CACNA1G: variants seen among roughly 807,000 people sequenced by gnomAD.
The protein encoded by CACNA1G is calcium voltage-gated channel subunit alpha1 G.
CACNA1G carries 67 observed loss-of-function variants against 219.4 expected under a neutral mutation model. The ratio of observed to expected loss-of-function variants is 0.31; its 90% CI spans 0.25 to 0.37. The LOEUF is 0.37. Among genes scored for constraint, CACNA1G ranks in the 10% least tolerant of loss-of-function variants. The probability of loss-of-function intolerance (pLI) is 1.00; values close to 1 mark genes in which losing one functional copy is unlikely to be tolerated. For synonymous variants in CACNA1G, 1,296 were observed against 1,345.3 expected (o/e 0.96, Z 0.80); for missense variants, 2,380 against 3,231.4 (o/e 0.74, Z 6.39).
chr17:50,608,073 G>T, intron 25 of CACNA1G, 54 bp downstream of exon 25: 2 of 1,523,078 alleles, frequency 1.3e-6, no homozygotes, highest in South Asian at 1.2e-5. Flanking sequence ...TCTGGGTCGT[G>T]CTTGACCTTG....
At chr17:50,606,156 T>A in intron 23 of CACNA1G, 133 bp downstream of exon 23, 1 of 1,269,116 alleles carries the variant, frequency 7.9e-7, no homozygotes, top group Non-Finnish European at 1.2e-6. Flanking sequence ...CCCTCTGCTG[T>A]CTAACCACCA....
chr17:50,592,125 C>A (rs1423273426), intron 13 of CACNA1G, 33 bp downstream of exon 13: 1 of 1,577,578 alleles, frequency 6.3e-7, no homozygotes. Context: ...TCACCCTGCC[C>A]ACAGCAGTCC....
At chr17:50,604,018 A>G (rs1292969091) in intron 21 of CACNA1G, 137 bp from the exon 22 acceptor site, 4 of 813,086 alleles carry the variant, frequency 4.9e-6, no homozygotes, top group Non-Finnish European at 5.4e-6. Context: ...GGGTCCCATG[A>G]AAAGAGGACT....
Position 50,615,378 on chromosome 17 carries a change from T to C in CACNA1G, c.4777T>C (p.Tyr1593His), listed in dbSNP as rs768410348. 12 of 1,609,564 alleles carry C rather than the reference T, an allele frequency of 7.5e-6. No individual in the cohort carries two copies. Among genetic ancestry groups the C allele is most frequent in the Non-Finnish European group, 1.0e-5 (12 of 1,176,942 alleles). ...CCCATCAGAAGCCCAGTGCAAACCT[T>C]ACTACTCCGACTACTCCCGCTTCCG... ...SAASEAQCKP[Y>H]YSDYSRFRLL... The change falls in exon 27 of 38, where the codon TAC (tyrosine) becomes CAC (histidine). Residue 1593 changes from tyrosine to histidine, a missense_variant. Physicochemically the swap from Tyr to His is moderately conservative, Grantham distance 83. This residue lies in a region of CACNA1G where 58 missense variants were observed against 71.3 expected (regional missense o/e 0.81). Transcript: ENST00000359106.
chr17:50,592,945 C>T (rs749062856), intron 13 of CACNA1G, among the ~76,000 whole-genome samples: 1 of 152,320 alleles, frequency 6.6e-6, no homozygotes, highest in Non-Finnish European at 1.5e-5. Flanking sequence ...ATCTATTTTC[C>T]GACTCTTTCC....
Position 50,619,058 on chromosome 17 carries a change from G to A in CACNA1G, c.5781+50G>A, listed in dbSNP as rs776768103. On this transcript the variant is annotated intron_variant, in intron 33 of 37. Transcript: ENST00000359106. ...TGAGAGGAGCTGGGGCAGGAGAAGG[G>A]TGTGGAGGGTGGTGGGCGGGAGCCA... The A allele has an allele frequency of 2.1e-5, 29 of 1,403,500 alleles. No individual in the cohort carries two copies. The South Asian group carries it at 3.1e-4, about 15-fold the overall frequency. 86.9% of individuals were successfully genotyped at this position (1,403,500 alleles called of 1,614,324 possible). A position where few individuals can be genotyped will look rare whatever the true frequency, so the allele number is the denominator to read the frequency against.
intron 4 of CACNA1G, among the ~76,000 whole-genome samples, chr17:50,570,557 C>CTGTGTGTGTGTGTCTGTG (rs2039174220): frequency 1.5e-5 from 2 of 132,690 alleles, no homozygotes; most frequent in African/African-American, 5.8e-5. Flanking sequence ...CCCCTGCGCT[C>CTGTGTGTGTGTGTCTGTG]TGTGTGTGTG....
rs1200018794 is a variant in CACNA1G at position 50,561,026 on chromosome 17, C to T, written c.-434C>T. 1 of 327,592 alleles carries T rather than the reference C, an allele frequency of 3.1e-6. No homozygotes were observed. Among genetic ancestry groups the T allele is most frequent in the Non-Finnish European group, 5.9e-6 (1 of 170,086 alleles). 20.3% of individuals were successfully genotyped at this position (327,592 alleles called of 1,614,324 possible). ...CGATGCTGACCCCTTAGATCCGGCTCCAGCTGCGCCGCGGGAAGAGGGGGC... is the reference window on the plus strand; with the variant it reads ...CGATGCTGACCCCTTAGATCCGGCTTCAGCTGCGCCGCGGGAAGAGGGGGC... On this transcript the variant is annotated 5_prime_UTR_variant, in exon 1 of 38. Coordinates refer to ENST00000359106, the MANE Select transcript of CACNA1G (RefSeq NM_018896.5).
Position 50,619,827 on chromosome 17 carries a change from G to A in CACNA1G, c.5925+1G>A, listed in dbSNP as rs56741967. The A allele has an allele frequency of 1.5e-4, 244 of 1,602,772 alleles. 1 individual carries two copies. In the Middle Eastern group the frequency reaches 2.8e-3, roughly 19 times the overall value. Reference sequence around the variant, plus strand: ...CAGCCTGGGAGGCTCCGACCCACAGGTTACTGTGCCCCTGTGCTGTGCCCT... The same window carrying A: ...CAGCCTGGGAGGCTCCGACCCACAGATTACTGTGCCCCTGTGCTGTGCCCT... On this transcript the variant is annotated splice_donor_variant, in intron 34 of 37. Coordinates refer to ENST00000359106, the MANE Select transcript of CACNA1G (RefSeq NM_018896.5). LOFTEE classifies it high-confidence loss of function.
intron 26 of CACNA1G, among the ~76,000 whole-genome samples, chr17:50,614,084 C>A (rs898424732): frequency 6.6e-6 from 1 of 152,244 alleles, no homozygotes; most frequent in African/African-American, 2.4e-5. Context: ...AGGAGCATGG[C>A]AGCCCACGAG....
intron 8 of CACNA1G, among the ~76,000 whole-genome samples, chr17:50,576,747 C>G (rs998960950): frequency 6.6e-6 from 1 of 152,204 alleles, no homozygotes; most frequent in Non-Finnish European, 1.5e-5. Flanking sequence ...ATGACTTGCC[C>G]AAGGCTTTGC....
Position 50,575,935 on chromosome 17 carries a change from G to C in CACNA1G, c.1533G>C (p.Thr511=). 1.3e-6 allele frequency: 2 copies of C among 1,555,084 alleles called. No individual in the cohort carries two copies. The highest frequency in any genetic ancestry group is 1.7e-6 in the Non-Finnish European group (2 of 1,149,854). The change falls in exon 8 of 38, where the codon ACG becomes ACC. Residue 511 remains threonine, a synonymous_variant. Coordinates refer to ENST00000359106, the MANE Select transcript of CACNA1G (RefSeq NM_018896.5). ...ACCACTACCACCTGGGCAATGGGAC[G>C]CTCAGGGCCCCCCGGGCCAGCCCGG... The part of the protein sequence containing the change: ...HHHHYHLGNG[T]LRAPRASPEI...
rs747824455 is a variant in CACNA1G, at chr17:50,626,798, C to G, written c.*47C>G. 1 of 1,611,474 alleles carries G rather than the reference C, an allele frequency of 6.2e-7. No homozygotes were observed. The highest frequency in any genetic ancestry group is 1.1e-5 in the South Asian group (1 of 91,032). ...CACCTTTCTCCACTGGGTGCCAAGT[C>G]CTAGCTCCTCCTCCTGGGCTATATT... On this transcript the variant is annotated 3_prime_UTR_variant, in exon 38 of 38. Transcript: ENST00000359106. This position sits in a 1 kb window ranked among gnomAD's most constrained non-coding sequence, Gnocchi z 4.3.
rs951086197 is a variant in CACNA1G, at chr17:50,621,540, G to T, written c.5926-120G>T. On this transcript the variant is annotated intron_variant, in intron 34 of 37. Transcript: ENST00000359106. This position sits in a 1 kb window ranked among gnomAD's most constrained non-coding sequence, Gnocchi z 4.6. ...GAGAGAGAAGGGATGCCTTTTTCCC[G>T]CCCCCCTGTGCTTCGTGAAAAGGGG... 2 of 1,117,678 alleles carry T rather than the reference G, an allele frequency of 1.8e-6. No homozygotes were observed. The highest frequency in any genetic ancestry group is 2.4e-4 in the Middle Eastern group (1 of 4,100). 69.2% of individuals were successfully genotyped at this position (1,117,678 alleles called of 1,614,324 possible).
intron 9 of CACNA1G, among the ~76,000 whole-genome samples, chr17:50,584,126 T>C (rs1381969239): frequency 3.3e-5 from 5 of 152,088 alleles, no homozygotes; most frequent in Non-Finnish European, 4.4e-5. Context: ...GGGTTTGTTT[T>C]GGATGCACTG....
Position 50,600,891 on chromosome 17 carries a change from G to A in CACNA1G, c.3791+65G>A. On this transcript the variant is annotated intron_variant, in intron 18 of 37. Coordinates refer to ENST00000359106, the MANE Select transcript of CACNA1G (RefSeq NM_018896.5). The surrounding 1 kb of genome is among the most constrained non-coding windows in gnomAD (Gnocchi z 4.1). ...CTTCTTCTCACGGGAAATTACCGCT[G>A]GTGATGCTGTCAGGGATTTGAGAAG... is the stretch of plus-strand genomic sequence containing the variant. 6.4e-7 allele frequency: 1 copy of A among 1,569,264 alleles called. No homozygotes were observed. The highest frequency in any genetic ancestry group is 8.8e-7 in the Non-Finnish European group (1 of 1,141,184).
chr17:50,622,399 G>A (rs964131920), intron 35 of CACNA1G, among the ~76,000 whole-genome samples: 3 of 151,902 alleles, frequency 2.0e-5, no homozygotes, highest in East Asian at 1.9e-4. Context: ...TCCAGCTCCC[G>A]TCCCTTCTGA....
At chr17:50,577,028 G>T (rs1405059970) in intron 8 of CACNA1G, among the ~76,000 whole-genome samples, 2 of 152,228 alleles carry the variant, frequency 1.3e-5, no homozygotes, top group Non-Finnish European at 2.9e-5. Context: ...GTTTCAGGAA[G>T]GATGTGGCAC....
rs115156866 is a variant in CACNA1G at position 50,570,146 on chromosome 17, T to A, written c.586+343T>A. ...CAGGCAAGGAGTGGACGCAAAGTGC[T>A]AATGGCCTTTTCTAGCCAGAACAGC... On this transcript the variant is annotated intron_variant, in intron 4 of 37. Coordinates refer to ENST00000359106, the MANE Select transcript of CACNA1G (RefSeq NM_018896.5). Among the ~76,000 whole-genome samples the A allele has an allele frequency of 2.9e-3, 437 of 152,246 alleles. 2 individuals are homozygous for A. Among genetic ancestry groups the A allele is most frequent in the African/African-American group, 0.01 (424 of 41,536 alleles).
Sources: gnomAD v4.1 joint callset for allele counts (sites outside exome capture counted in the v4.1 genomes callset) on GRCh38, gnomAD v4.1.1 for gene constraint, gnomAD v4.1.1 regional missense constraint, Gnocchi (gnomAD v3.1) non-coding constraint, MANE v1.5 for transcripts, NCBI Gene and HGNC (gene_info 2026-07-23, HGNC 2026-07-21) for gene names.